Variants in SNTG1 observed in about 807,000 individuals in gnomAD.
SNTG1 encodes the protein gamma-1-syntrophin.
SNTG1 carries 39 observed loss-of-function variants against 74.7 expected under a neutral mutation model. That is an observed-to-expected ratio of 0.52 (90% confidence interval 0.40 to 0.68). SNTG1 has a LOEUF of 0.68. SNTG1 is among the 30% of genes least tolerant of loss of function. SNTG1 has a pLI of 0.00. For missense variants in SNTG1, 685 were observed against 609.5 expected (o/e 1.12, Z -1.30); for synonymous variants, 254 against 217.1 (o/e 1.17, Z -1.49).
chr8:50,341,259 T>A (rs2091309013), intron 2 of SNTG1, among the ~76,000 whole-genome samples: 1 of 152,050 alleles, frequency 6.6e-6, no homozygotes, highest in South Asian at 2.1e-4. Context: ...GTCAGTACTA[T>A]TAAAATAGGC....
chr8:49,994,089 T>A (rs543401661), intron 1 of SNTG1, among the ~76,000 whole-genome samples: 2 of 152,078 alleles, frequency 1.3e-5, no homozygotes, highest in African/African-American at 2.4e-5. Flanking sequence ...TAAATTGTGA[T>A]GGGTGTATAT....
chr8:50,541,958 T>A (rs2094350407), intron 11 of SNTG1, among the ~76,000 whole-genome samples: 1 of 151,650 alleles, frequency 6.6e-6, no homozygotes, highest in African/African-American at 2.4e-5. Context: ...CTCAATATAA[T>A]GACCTCAAAT....
intron 2 of SNTG1, among the ~76,000 whole-genome samples, chr8:50,263,181 G>A (rs1330885657): frequency 1.3e-5 from 2 of 152,104 alleles, no homozygotes; most frequent in African/African-American, 4.8e-5. Context: ...TATTGATAAG[G>A]GGATAGGCTA....
chr8:50,023,626 T>A (rs1380308162), intron 1 of SNTG1, among the ~76,000 whole-genome samples: 2 of 152,142 alleles, frequency 1.3e-5, no homozygotes, highest in Non-Finnish European at 2.9e-5. Context: ...AAGGATGATT[T>A]TCTTAGCTTT....
At chr8:50,656,837 C>CTAAATATTT in intron 13 of SNTG1, 72 bp from the exon 14 acceptor site, 1 of 952,542 alleles carries the variant, frequency 1.0e-6, no homozygotes, top group Non-Finnish European at 1.6e-6. Context: ...ATATTTGCAT[C>CTAAATATTT]TAAATATTTT....
chr8:50,201,663 G>A (rs1369749686), intron 2 of SNTG1, among the ~76,000 whole-genome samples: 1 of 152,026 alleles, frequency 6.6e-6, no homozygotes, highest in Non-Finnish European at 1.5e-5. Flanking sequence ...CAGGAACTGG[G>A]TGTTATGTGT....
At chr8:50,113,148 T>C (rs1265986652) in intron 1 of SNTG1, among the ~76,000 whole-genome samples, 2 of 152,190 alleles carry the variant, frequency 1.3e-5, no homozygotes, top group Non-Finnish European at 2.9e-5. Flanking sequence ...AAGTCATTGC[T>C]AGCTTGATGG....
chr8:49,919,018 C>A (rs1427831466), intron 1 of SNTG1, among the ~76,000 whole-genome samples: 1 of 152,104 alleles, frequency 6.6e-6, no homozygotes. Flanking sequence ...TGTCTTCATT[C>A]CAAAGTACGG....
chr8:50,150,900 G>T (rs189926188), intron 1 of SNTG1, among the ~76,000 whole-genome samples: 3 of 152,236 alleles, frequency 2.0e-5, no homozygotes, highest in Admixed American at 1.3e-4. Context: ...GCCAGGCTTT[G>T]GTATCAGGAT....
chr8:50,189,873 A>T (rs1402328064), intron 2 of SNTG1, among the ~76,000 whole-genome samples: 3 of 152,302 alleles, frequency 2.0e-5, no homozygotes, highest in South Asian at 2.1e-4. Flanking sequence ...TAATAATTGA[A>T]CTTTTTTGAA....
chr8:50,508,178 T>C (rs867039594), intron 9 of SNTG1, among the ~76,000 whole-genome samples: 36 of 152,314 alleles, frequency 2.4e-4, no homozygotes, highest in South Asian at 2.1e-4. Flanking sequence ...GTTTGGTTTT[T>C]TGTCCTTGCG....
chr8:50,046,264 C>A (rs540206447), intron 1 of SNTG1, among the ~76,000 whole-genome samples: 2 of 152,266 alleles, frequency 1.3e-5, no homozygotes, highest in East Asian at 3.9e-4. Flanking sequence ...TTTCTGATCT[C>A]CAAACTAGAT....
intron 17 of SNTG1, among the ~76,000 whole-genome samples, chr8:50,720,545 T>C (rs974346224): frequency 2.6e-5 from 4 of 152,210 alleles, no homozygotes; most frequent in Non-Finnish European, 4.4e-5. Flanking sequence ...GGTACTTTCA[T>C]GCAGTATGGA....
At chr8:50,593,552 A>G (rs2094706220) in intron 13 of SNTG1, among the ~76,000 whole-genome samples, 2 of 152,088 alleles carry the variant, frequency 1.3e-5, no homozygotes, top group African/African-American at 4.8e-5. Flanking sequence ...AAAAACCTAC[A>G]TTTAAAATTA....
chr8:50,686,025 T>A (rs1463507997), intron 15 of SNTG1, among the ~76,000 whole-genome samples: 1 of 152,170 alleles, frequency 6.6e-6, no homozygotes, highest in Non-Finnish European at 1.5e-5. Context: ...TATGCTCTAG[T>A]TTTGTAGTAG....
At chr8:50,775,226 G>C (rs79793629) in intron 18 of SNTG1, among the ~76,000 whole-genome samples, 265 of 151,508 alleles carry the variant, frequency 1.7e-3, no homozygotes, top group African/African-American at 6.2e-3. Context: ...GTTCTCATGA[G>C]AACTTGTTTA....
intron 18 of SNTG1, among the ~76,000 whole-genome samples, chr8:50,774,307 A>C (rs1267426533): frequency 6.6e-6 from 1 of 151,960 alleles, no homozygotes; most frequent in East Asian, 1.9e-4. Flanking sequence ...AAGACATAAA[A>C]TTATCATGAT....
At chr8:50,731,404 T>C (rs151066407) in intron 17 of SNTG1, among the ~76,000 whole-genome samples, 1 of 152,268 alleles carries the variant, frequency 6.6e-6, no homozygotes, top group Non-Finnish European at 1.5e-5. Context: ...AGTTTTAGTA[T>C]CATTATGCAA....
chr8:50,762,687 C>G lies in SNTG1; in HGVS notation c.1395+10576C>G, dbSNP rs544918008. ...CCAACAGCCTGACCTGTCTTCTACC[C>G]GAAGAGACCATGGAGATTAGGCCCA... is the stretch of plus-strand genomic sequence containing the variant. On this transcript the variant is annotated intron_variant, in intron 18 of 18. Coordinates refer to ENST00000642720, the MANE Select transcript of SNTG1 (RefSeq NM_018967.5). The G allele has an allele frequency of 6.3e-6, 3 of 475,964 alleles. No individual in the cohort carries two copies. In the Admixed American group the frequency reaches 6.4e-5, roughly 10 times the overall value. 29.5% of individuals were successfully genotyped at this position (475,964 alleles called of 1,614,324 possible). A position where few individuals can be genotyped will look rare whatever the true frequency, so the allele number is the denominator to read the frequency against.
Sources: allele counts gnomAD v4.1 joint callset (sites outside exome capture counted in the v4.1 genomes callset), GRCh38; gene constraint gnomAD v4.1.1; transcripts MANE v1.5; gene names NCBI Gene and HGNC (gene_info 2026-07-23, HGNC 2026-07-21).